Variants in DCDC2 observed in about 807,000 individuals in gnomAD.
DCDC2 encodes doublecortin domain containing 2.
A neutral mutation model predicts 50.2 loss-of-function variants in DCDC2; 40 were observed. That is an observed-to-expected ratio of 0.80 (90% confidence interval 0.62 to 1.04). The LOEUF is 1.04. Ranked by LOEUF, DCDC2 falls within the 50% of genes least tolerant of loss-of-function variation. DCDC2 has a pLI of 0.00. For synonymous variants in DCDC2, 234 were observed against 210.6 expected, an observed-to-expected ratio of 1.11 and a Z score of -0.96; for missense variants, 570 against 581.9, an observed-to-expected ratio of 0.98 and a Z score of 0.21.
intron 2 of DCDC2, among the ~76,000 whole-genome samples, chr6:24,306,525 G>GATAA (rs1385817311): frequency 4.9e-4 from 69 of 141,038 alleles, no homozygotes; most frequent in Non-Finnish European, 9.5e-4. Flanking sequence ...TAGATAGATA[G>GATAA]ATAGATAGAT....
At chr6:24,195,889 C>G (rs1198802940) in intron 8 of DCDC2, among the ~76,000 whole-genome samples, 1 of 152,206 alleles carries the variant, frequency 6.6e-6, no homozygotes, top group Non-Finnish European at 1.5e-5. Context: ...ACAACAGACC[C>G]ATGGAGAATT....
the DCDC2 span, among the ~76,000 whole-genome samples, chr6:24,375,419 TC>T: frequency 0.61 from 92,087 of 150,036 alleles, 28,737 homozygotes; most frequent in East Asian, 0.8. Flanking sequence ...CTGTGTAAAC[TC>T]CCCCCCCCAA....
intron 7 of DCDC2, among the ~76,000 whole-genome samples, chr6:24,220,891 T>TGAGCGAGCGAGCGAGA (rs1762095361): frequency 1.0e-5 from 1 of 98,970 alleles, no homozygotes; most frequent in African/African-American, 3.9e-5. Flanking sequence ...AGCGAGAGAG[T>TGAGCGAGCGAGCGAGA]GAGCGAGCGA....
the DCDC2 span, among the ~76,000 whole-genome samples, chr6:24,373,190 T>C: frequency 6.6e-6 from 1 of 152,242 alleles, no homozygotes; most frequent in Non-Finnish European, 1.5e-5. Flanking sequence ...GCATGTCCTA[T>C]AAAGTTGAAT....
At chr6:24,366,439 G>C in the DCDC2 span, among the ~76,000 whole-genome samples, 1 of 152,206 alleles carries the variant, frequency 6.6e-6, no homozygotes, top group East Asian at 1.9e-4. Context: ...AGCAAGTTTA[G>C]AGGCCGAGAT....
At chr6:24,319,359 G>A (rs1759731680) in intron 2 of DCDC2, among the ~76,000 whole-genome samples, 2 of 151,678 alleles carry the variant, frequency 1.3e-5, no homozygotes, top group Admixed American at 1.3e-4. Flanking sequence ...GGGATGCATA[G>A]TTTGCAAATA....
intron 7 of DCDC2, among the ~76,000 whole-genome samples, chr6:24,274,605 C>CAAAAAAAAAAAAAAAAAAAAAGA (rs1763308630): frequency 6.1e-5 from 5 of 82,398 alleles, no homozygotes; most frequent in Non-Finnish European, 9.2e-5. Context: ...GAAACAGAGT[C>CAAAAAAAAAAAAAAAAAAAAAGA]AAAAAAAAAA....
At chr6:24,332,815 A>G (rs1009760094) in intron 2 of DCDC2, among the ~76,000 whole-genome samples, 6 of 152,162 alleles carry the variant, frequency 3.9e-5, no homozygotes, top group Non-Finnish European at 8.8e-5. Flanking sequence ...ACACACACAT[A>G]TTTCTGTGCA....
chr6:24,224,354 T>A (rs1212169025), intron 7 of DCDC2, among the ~76,000 whole-genome samples: 1 of 152,204 alleles, frequency 6.6e-6, no homozygotes, highest in East Asian at 1.9e-4. Flanking sequence ...AATGGCTATG[T>A]ATGCAACTGG....
chr6:24,372,096 T>C, the DCDC2 span, among the ~76,000 whole-genome samples: 1 of 152,208 alleles, frequency 6.6e-6, no homozygotes, highest in South Asian at 2.1e-4. Flanking sequence ...AAATACCATT[T>C]GACCCAGCCA....
upstream of DCDC2, among the ~76,000 whole-genome samples, chr6:24,358,727 TTATTTTA>T (rs1289235015): frequency 1.6e-4 from 5 of 31,642 alleles, no homozygotes; most frequent in Admixed American, 6.0e-4. Flanking sequence ...TTTATATATT[TTATTTTA>T]TATATATTTT....
chr6:24,361,711 A>C (rs1037348409), upstream of DCDC2, among the ~76,000 whole-genome samples: 1 of 152,238 alleles, frequency 6.6e-6, no homozygotes, highest in African/African-American at 2.4e-5. Flanking sequence ...GTGGCCTCTT[A>C]TTCAAAAATT....
intron 2 of DCDC2, among the ~76,000 whole-genome samples, chr6:24,332,358 A>T (rs1036868736): frequency 1.3e-5 from 2 of 152,064 alleles, no homozygotes; most frequent in African/African-American, 4.8e-5. Flanking sequence ...GAACTCCACC[A>T]CCATTCTGTA....
At chr6:24,296,196 C>T (rs1348618037) in intron 4 of DCDC2, among the ~76,000 whole-genome samples, 4 of 152,046 alleles carry the variant, frequency 2.6e-5, no homozygotes, top group African/African-American at 7.2e-5. Flanking sequence ...ATCTGTTCTT[C>T]GACAAAACTA....
chr6:24,231,274 C>T (rs548043838), intron 7 of DCDC2, among the ~76,000 whole-genome samples: 1 of 152,270 alleles, frequency 6.6e-6, no homozygotes, highest in South Asian at 2.1e-4. Context: ...AAAGATCTTG[C>T]CTGACCTGCT....
intron 7 of DCDC2, among the ~76,000 whole-genome samples, chr6:24,248,756 T>A (rs1479731500): frequency 1.3e-5 from 2 of 152,132 alleles, no homozygotes; most frequent in East Asian, 3.9e-4. Context: ...ATATAAAACA[T>A]ACAACAAATA....
chr6:24,226,793 G>A (rs1178880693), intron 7 of DCDC2, among the ~76,000 whole-genome samples: 1 of 152,204 alleles, frequency 6.6e-6, no homozygotes, highest in African/African-American at 2.4e-5. Flanking sequence ...AGAAACACAA[G>A]CCAAAAGGTG....
In DCDC2 at chr6:24,263,283, C is replaced by T. The variant is rs562388002; in HGVS notation, c.922+14766G>A. Reference sequence around the variant, plus strand: ...CTCAAGAAAGATGGGTACAAACAAGCCAAGACTGTGAAGACCACAACAAAT... The same window carrying T: ...CTCAAGAAAGATGGGTACAAACAAGTCAAGACTGTGAAGACCACAACAAAT... On this transcript the variant is annotated intron_variant, in intron 7 of 9. Transcript: ENST00000378454. Among the ~76,000 whole-genome samples the T allele has an allele frequency of 2.2e-4, 33 of 152,246 alleles. No individual in the cohort carries two copies. The South Asian group carries it at 6.4e-3, about 30-fold the overall frequency.
At chr6:24,262,908 C>T (rs1414963932) in intron 7 of DCDC2, among the ~76,000 whole-genome samples, 1 of 152,204 alleles carries the variant, frequency 6.6e-6, no homozygotes, top group Non-Finnish European at 1.5e-5. Context: ...TCACTGTGGG[C>T]CTTAGGCAAG....
Sources: gnomAD v4.1 joint callset for allele counts (sites outside exome capture counted in the v4.1 genomes callset) on GRCh38, gnomAD v4.1.1 for gene constraint, MANE v1.5 for transcripts, NCBI Gene and HGNC (gene_info 2026-07-23, HGNC 2026-07-21) for gene names.